The following CCP110 variants were observed in gnomAD, a reference collection of about 807,000 sequenced individuals.
CCP110 encodes the protein centriolar coiled-coil protein 110.
A neutral mutation model predicts 105.5 loss-of-function variants in CCP110; 43 were observed. The observed-to-expected ratio is 0.41, with a 90% CI of 0.32 to 0.53. The LOEUF (loss-of-function observed/expected upper bound fraction) is 0.53, where lower values mean the gene tolerates loss of function less well. Ranked by LOEUF, CCP110 falls within the 20% of genes least tolerant of loss-of-function variation. The pLI, the probability that CCP110 is intolerant of heterozygous loss-of-function variation, is 0.32. For synonymous variants in CCP110, 353 were observed against 392.1 expected (o/e 0.90, Z 1.18); for missense variants, 1,016 against 1,189.1 (o/e 0.85, Z 2.14).
chr16:19,546,285 T>A, intron 11 of CCP110, 127 bp from the exon 12 acceptor site: 1 of 622,234 alleles, frequency 1.6e-6, no homozygotes, highest in Non-Finnish European at 2.8e-6. Context: ...ATATGCTTAG[T>A]ACAGGTCTTC....
intron 4 of CCP110, among the ~76,000 whole-genome samples, chr16:19,539,355 CT>C (rs535078318): frequency 0.17 from 24,625 of 142,802 alleles, 3,055 homozygotes; most frequent in East Asian, 0.4. Flanking sequence ...ACCTGTGCAA[CT>C]TTTTTTTTTT....
At chr16:19,551,374 C>CT (rs1970636434) in exon 15 of CCP110, 1 of 807,354 alleles carries the variant, frequency 1.2e-6, no homozygotes, top group African/African-American at 1.7e-5. Context: ...AGGCTGAGCA[C>CT]TTATCTGGAT....
At chr16:19,533,117 AAC>A (rs1969931729) in intron 3 of CCP110, among the ~76,000 whole-genome samples, 1 of 152,250 alleles carries the variant, frequency 6.6e-6, no homozygotes, top group Non-Finnish European at 1.5e-5. Flanking sequence ...TAAAAAGAAA[AAC>A]AAATGAATTA....
intron 1 of CCP110, chr16:19,524,920 A>T (rs1969617042): frequency 6.6e-6 from 1 of 152,234 alleles, no homozygotes; most frequent in African/African-American, 2.4e-5. Flanking sequence ...CGTGTTCTGC[A>T]CTACGTTAAT....
At position 19,546,475 on chromosome 16, in the gene CCP110, G is replaced by A. The variant is rs760744348; in HGVS notation, c.2840+1G>A. On this transcript the variant is annotated splice_donor_variant, in intron 12 of 14. Coordinates refer to ENST00000381396, the Ensembl canonical transcript of CCP110. LOFTEE classifies it high-confidence loss of function. ...TTAAACAAAATCCTTCTGAAACAAG[G>A]TGAGAAAAATCACTTAGTCTTAATG... 1.9e-6 allele frequency: 3 copies of A among 1,572,698 alleles called. No homozygotes were observed. In the Admixed American group the frequency reaches 5.1e-5, roughly 27 times the overall value.
exon 4 of CCP110, chr16:19,536,788 T>A (rs776104880): frequency 6.2e-7 from 1 of 1,614,034 alleles, no homozygotes; most frequent in African/African-American, 1.3e-5. Flanking sequence ...GTATGAGTCC[T>A]AAAATGCACC....
chr16:19,544,144 C>T (rs1297954502), intron 8 of CCP110, among the ~76,000 whole-genome samples: 1 of 152,150 alleles, frequency 6.6e-6, no homozygotes, highest in African/African-American at 2.4e-5. Flanking sequence ...CAGTAAAATT[C>T]CTCTCTTTGT....
Position 19,526,384 on chromosome 16 carries a change from C to T in CCP110, c.-15-1483C>T, listed in dbSNP as rs529539199. 6 of 152,146 alleles carry T rather than the reference C, an allele frequency of 3.9e-5. No homozygotes were observed. In the East Asian group the frequency reaches 9.6e-4, roughly 24 times the overall value. The allele number at this position is 152,146 out of a possible 1,614,324, so 9.4% of individuals were successfully genotyped here. On this transcript the variant is annotated intron_variant, in intron 1 of 14. Transcript: ENST00000381396. The stretch of plus-strand genomic sequence containing the variant: ...TGATTAAAAAAATAAAATATTTGAG[C>T]AGAAATGGGGTTAAGAAATAATGTG...
At chr16:19,543,897 C>T (rs149183518) in intron 8 of CCP110, among the ~76,000 whole-genome samples, 3,010 of 151,520 alleles carry the variant, frequency 0.02, 106 homozygotes, top group African/African-American at 0.069. Context: ...CAAGACAATA[C>T]GTGCACAGCT....
exon 4 of CCP110, chr16:19,537,425 C>T (rs372951911): frequency 2.4e-5 from 39 of 1,613,426 alleles, no homozygotes; most frequent in African/African-American, 9.3e-5. Flanking sequence ...GAAAGTTAAA[C>T]GGAGACTTGA....
At chr16:19,544,418 T>A (rs1970393563) in intron 8 of CCP110, among the ~76,000 whole-genome samples, 1 of 152,210 alleles carries the variant, frequency 6.6e-6, no homozygotes, top group Non-Finnish European at 1.5e-5. Flanking sequence ...CAACGAACCA[T>A]GGATCAAAAA....
rs1377087291 is a variant in CCP110, at chr16:19,546,473, AG to A, written c.2840+1del. The A allele has an allele frequency of 1.9e-6, 3 of 1,574,128 alleles. No homozygotes were observed. Among genetic ancestry groups the A allele is most frequent in the Non-Finnish European group, 2.6e-6 (3 of 1,145,416 alleles). On this transcript the variant is annotated frameshift_variant and splice_region_variant, in exon 12 of 15. Coordinates refer to ENST00000381396, the Ensembl canonical transcript of CCP110. LOFTEE classifies it high-confidence loss of function. ...GGTTAAACAAAATCCTTCTGAAACAAGGTGAGAAAAATCACTTAGTCTTAAT... is the reference window on the plus strand; with the variant it reads ...GGTTAAACAAAATCCTTCTGAAACAAGTGAGAAAAATCACTTAGTCTTAAT...
chr16:19,544,960 T>G (rs531825456), intron 9 of CCP110, 62 bp downstream of exon 9: 96 of 1,048,884 alleles, frequency 9.2e-5, no homozygotes, highest in South Asian at 8.0e-4. Context: ...CCTTTTTTAT[T>G]TAATCACTGA....
intron 10 of CCP110, among the ~76,000 whole-genome samples, chr16:19,545,433 G>C (rs1970428977): frequency 6.6e-6 from 1 of 152,124 alleles, no homozygotes; most frequent in South Asian, 2.1e-4. Context: ...TTGAAGCTTT[G>C]AATGTTTTGC....
At chr16:19,537,148 A>C (rs1258470997) in exon 4 of CCP110, 5 of 1,614,112 alleles carry the variant, frequency 3.1e-6, no homozygotes. Flanking sequence ...GCGCACACAT[A>C]ATGAACAGTA....
exon 7 of CCP110, chr16:19,542,701 G>A (rs1970330427): frequency 1.2e-6 from 2 of 1,613,576 alleles, no homozygotes; most frequent in Non-Finnish European, 1.7e-6. Context: ...ATCAACTAGT[G>A]GCTTGACCAA....
intron 3 of CCP110, among the ~76,000 whole-genome samples, chr16:19,534,895 T>C (rs984033511): frequency 6.7e-6 from 1 of 148,586 alleles, no homozygotes; most frequent in Non-Finnish European, 1.5e-5. Flanking sequence ...TTTTTTTTTT[T>C]TCTGAGATGG....
intron 1 of CCP110, chr16:19,525,886 C>T (rs1969653693): frequency 6.6e-6 from 1 of 152,524 alleles, no homozygotes; most frequent in Admixed American, 6.5e-5. Context: ...AATTGGGAAA[C>T]AGCAGGGTAA....
exon 15 of CCP110, chr16:19,552,500 C>T (rs965109784): frequency 7.2e-6 from 1 of 139,730 alleles, no homozygotes; most frequent in African/African-American, 2.7e-5. Context: ...GCACTCCAGT[C>T]GGGTTAACAG....
Sources: gnomAD v4.1 joint callset for allele counts (sites outside exome capture counted in the v4.1 genomes callset) on GRCh38, gnomAD v4.1.1 for gene constraint, MANE v1.5 for transcripts, NCBI Gene and HGNC (gene_info 2026-07-23, HGNC 2026-07-21) for gene names.